The following ACTR2 variants were observed in gnomAD, a reference collection of about 807,000 sequenced individuals.
ACTR2 encodes actin-related protein 2.
Under a neutral mutation model 50.2 loss-of-function variants are expected in ACTR2, and 5 were observed. That is an observed-to-expected ratio of 0.10 (90% CI 0.05 to 0.21). The LOEUF (loss-of-function observed/expected upper bound fraction) is 0.21. ACTR2 is among the 10% of genes least tolerant of loss of function. The pLI is 1.00. For missense variants in ACTR2, 180 were observed against 480.6 expected, an observed-to-expected ratio of 0.37 and a Z score of 5.85; for synonymous variants, 140 against 162.9, an observed-to-expected ratio of 0.86 and a Z score of 1.07.
intron 8 of ACTR2, among the ~76,000 whole-genome samples, chr2:65,265,862 A>T (rs888558194): frequency 6.6e-6 from 1 of 152,190 alleles, no homozygotes; most frequent in African/African-American, 2.4e-5. Flanking sequence ...TGTCTCACTG[A>T]CTTTGATCAA....
At position 65,237,434 on chromosome 2, in the gene ACTR2, A is replaced by G. The variant is rs116036399; in HGVS notation, c.49-2418A>G. Among the ~76,000 whole-genome samples, 1,228 of 152,078 alleles carry G rather than the reference A, an allele frequency of 8.1e-3. 19 individuals are homozygous for G. The highest frequency in any genetic ancestry group is 0.024 in the African/African-American group (997 of 41,530). On this transcript the variant is annotated intron_variant, in intron 1 of 8. Coordinates refer to ENST00000260641, the MANE Select transcript of ACTR2 (RefSeq NM_005722.4). ...TTTTTGTAATTTTTTCCGGGGGGGA[A>G]TCTTGCCGTGTTGCCCATACTGGTC...
chr2:65,242,047 A>G, intron 2 of ACTR2: 1 of 1,609,168 alleles, frequency 6.2e-7, no homozygotes, highest in Non-Finnish European at 8.5e-7. Context: ...CCGTTGAAGT[A>G]GAATAACAAA....
In ACTR2 at chr2:65,248,800, G is replaced by A. The variant is rs368808116; in HGVS notation, c.375+2061G>A. Among the ~76,000 whole-genome samples the A allele has an allele frequency of 3.6e-3, 545 of 152,232 alleles. 3 individuals are homozygous for A. Among genetic ancestry groups the A allele is most frequent in the African/African-American group, 0.012 (499 of 41,546 alleles). On this transcript the variant is annotated intron_variant, in intron 3 of 8. Coordinates refer to ENST00000260641, the MANE Select transcript of ACTR2 (RefSeq NM_005722.4). ...AGGCCAAGGCGGGTGGATCACTTGA[G>A]ACTAGGAATTTGAGACCAGCCTGGC...
intron 1 of ACTR2, among the ~76,000 whole-genome samples, chr2:65,238,328 G>A (rs188868809): frequency 6.6e-6 from 1 of 152,214 alleles, no homozygotes; most frequent in East Asian, 1.9e-4. Context: ...ATGAAATTAT[G>A]TTACCCGGTA....
chr2:65,259,704 G>A (rs4671645), intron 6 of ACTR2, among the ~76,000 whole-genome samples: 49,150 of 152,058 alleles, frequency 0.32, 8,630 homozygotes, highest in East Asian at 0.72. Context: ...ACTCCAGCCT[G>A]GGCAACAGAG....
chr2:65,267,169 GGTTT>G (rs1005745452), intron 8 of ACTR2, among the ~76,000 whole-genome samples: 19 of 152,116 alleles, frequency 1.2e-4, no homozygotes, highest in African/African-American at 4.1e-4. Context: ...TGCCAAAACT[GGTTT>G]GTTTGTTTTT....
chr2:65,244,345 G>T (rs1671895378), intron 2 of ACTR2, among the ~76,000 whole-genome samples: 1 of 148,192 alleles, frequency 6.7e-6, no homozygotes, highest in African/African-American at 2.5e-5. Context: ...AACAAAAATG[G>T]TATATATAAT....
intron 5 of ACTR2, among the ~76,000 whole-genome samples, chr2:65,255,077 C>T (rs921710058): frequency 2.6e-5 from 4 of 151,882 alleles, no homozygotes; most frequent in Admixed American, 6.6e-5. Context: ...CCTTATCATT[C>T]GTTAAACAAA....
chr2:65,258,696 G>A (rs1314182851), intron 6 of ACTR2, among the ~76,000 whole-genome samples: 1 of 152,130 alleles, frequency 6.6e-6, no homozygotes, highest in Non-Finnish European at 1.5e-5. Context: ...GGACATGGGT[G>A]GACAAATACA....
chr2:65,269,938 A>G lies in ACTR2; in HGVS notation c.*1204A>G, dbSNP rs1672459821. On this transcript the variant is annotated 3_prime_UTR_variant, in exon 9 of 9. Coordinates refer to ENST00000260641, the MANE Select transcript of ACTR2 (RefSeq NM_005722.4). Reference sequence around the variant, plus strand: ...GATTTAATTTTTTTATTTGTACTGAAAAACTAATCATAACTGTTAATTCTC... The same window carrying G: ...GATTTAATTTTTTTATTTGTACTGAGAAACTAATCATAACTGTTAATTCTC... 6.6e-6 allele frequency: 1 copy of G among 152,218 alleles called. No homozygotes were observed. Among genetic ancestry groups the G allele is most frequent in the South Asian group, 2.1e-4 (1 of 4,832 alleles). The allele number at this position is 152,218 out of a possible 1,614,324, so 9.4% of individuals were successfully genotyped here. A position where few individuals can be genotyped will look rare whatever the true frequency, so the allele number is the denominator to read the frequency against.
intron 4 of ACTR2, among the ~76,000 whole-genome samples, chr2:65,253,230 A>G (rs1316353098): frequency 6.6e-6 from 1 of 152,170 alleles, no homozygotes; most frequent in Non-Finnish European, 1.5e-5. Flanking sequence ...ACTTGAGGCC[A>G]GGAGTTCGAG....
At chr2:65,246,237 A>T (rs1328750736) in intron 2 of ACTR2, 1 of 222,388 alleles carries the variant, frequency 4.5e-6, no homozygotes, top group Non-Finnish European at 8.7e-6. Context: ...CTCATACAAA[A>T]CCCTCCAAAA....
intron 4 of ACTR2, among the ~76,000 whole-genome samples, chr2:65,252,379 G>A (rs557880668): frequency 6.6e-6 from 1 of 152,106 alleles, no homozygotes; most frequent in African/African-American, 2.4e-5. Flanking sequence ...GGTGGCTCAC[G>A]CCTGTAATCC....
intron 1 of ACTR2, among the ~76,000 whole-genome samples, chr2:65,228,621 G>T (rs987826710): frequency 3.9e-5 from 6 of 151,990 alleles, no homozygotes; most frequent in African/African-American, 1.5e-4. Flanking sequence ...CCATTGAGTG[G>T]TTTTGGGTGA....
intron 3 of ACTR2, among the ~76,000 whole-genome samples, chr2:65,247,053 G>A (rs1671950718): frequency 6.6e-6 from 1 of 151,972 alleles, no homozygotes; most frequent in Non-Finnish European, 1.5e-5. Flanking sequence ...AGACTGAAAA[G>A]GCTAATACAA....
At chr2:65,256,169 G>A (rs532122910) in intron 6 of ACTR2, among the ~76,000 whole-genome samples, 24 of 152,212 alleles carry the variant, frequency 1.6e-4, no homozygotes, top group African/African-American at 5.8e-4. Flanking sequence ...TTATGCTCTA[G>A]GACTTTTCAG....
chr2:65,247,737 G>A lies in ACTR2; in HGVS notation c.375+998G>A, dbSNP rs72892677. 9.3e-3 allele frequency among the ~76,000 whole-genome samples: 1,418 copies of A among 152,276 alleles called. 33 individuals carry two copies. Among genetic ancestry groups the A allele is most frequent in the African/African-American group, 0.032 (1,315 of 41,552 alleles). On this transcript the variant is annotated intron_variant, in intron 3 of 8. Coordinates refer to ENST00000260641, the MANE Select transcript of ACTR2 (RefSeq NM_005722.4). ...TGTCTCGGGTGGCAGAGACAGAAGA[G>A]GTGCAAGGGGAGGCAGGAAAGATTT...
At chr2:65,261,976 T>C (rs1270866678) in intron 7 of ACTR2, among the ~76,000 whole-genome samples, 1 of 152,230 alleles carries the variant, frequency 6.6e-6, no homozygotes, top group East Asian at 1.9e-4. Context: ...TTTGCATTTA[T>C]TTCCCTGATG....
intron 1 of ACTR2, chr2:65,228,251 A>C: frequency 8.8e-6 from 3 of 340,938 alleles, no homozygotes; most frequent in South Asian, 1.2e-4. Flanking sequence ...CTCCGCGCTA[A>C]TGCGGGGGCA....
Sources: gnomAD v4.1 joint callset for allele counts (sites outside exome capture counted in the v4.1 genomes callset) on GRCh38, gnomAD v4.1.1 for gene constraint, MANE v1.5 for transcripts, NCBI Gene and HGNC (gene_info 2026-07-23, HGNC 2026-07-21) for gene names.